Variants in AFF3 observed in about 807,000 individuals in gnomAD.
AFF3 encodes ALF transcription elongation factor 3, also known as AF4/FMR2 family member 3.
In AFF3, 32 loss-of-function variants were observed where a neutral mutation model predicts 129.7. That is an observed-to-expected ratio of 0.25 (90% CI 0.19 to 0.33). The LOEUF is 0.33. Among genes scored for constraint, AFF3 ranks in the 10% least tolerant of loss-of-function variants. AFF3 has a pLI of 1.00. For synonymous variants in AFF3, 644 were observed against 635.4 expected (o/e 1.01, Z -0.20); for missense variants, 1,373 against 1,592.0 (o/e 0.86, Z 2.34).
chr2:99,886,274 A>T (rs1693104806), intron 7 of AFF3, among the ~76,000 whole-genome samples: 1 of 152,148 alleles, frequency 6.6e-6, no homozygotes, highest in South Asian at 2.1e-4. Flanking sequence ...CACATATTTT[A>T]AAGTTGGTGG....
chr2:99,752,369 G>A, intron 8 of AFF3, 68 bp from the exon 9 acceptor site: 3 of 1,388,646 alleles, frequency 2.2e-6, no homozygotes, highest in Non-Finnish European at 2.0e-6. Context: ...GGTATGTAAA[G>A]CAGCTGTACA....
intron 4 of AFF3, among the ~76,000 whole-genome samples, chr2:100,064,650 A>C (rs967622281): frequency 1.3e-5 from 2 of 152,216 alleles, no homozygotes; most frequent in Admixed American, 6.5e-5. Context: ...AACCAAGTCT[A>C]TCTCTCACCA....
chr2:99,674,261 C>T (rs531335456), intron 11 of AFF3, among the ~76,000 whole-genome samples: 1 of 152,260 alleles, frequency 6.6e-6, no homozygotes, highest in Non-Finnish European at 1.5e-5. Context: ...TTTCCTTCAC[C>T]TCACAGACAC....
chr2:99,807,076 C>G (rs1414815764), intron 8 of AFF3, among the ~76,000 whole-genome samples: 1 of 152,214 alleles, frequency 6.6e-6, no homozygotes, highest in African/African-American at 2.4e-5. Flanking sequence ...TGTGGTGTTA[C>G]TGGCGCCACC....
At chr2:99,802,497 C>CA (rs1686017773) in intron 8 of AFF3, among the ~76,000 whole-genome samples, 1 of 151,946 alleles carries the variant, frequency 6.6e-6, no homozygotes, top group Non-Finnish European at 1.5e-5. Flanking sequence ...CCTGTCTCTA[C>CA]AAAAAATTTT....
At chr2:99,872,696 AT>A (rs1406321648) in intron 7 of AFF3, among the ~76,000 whole-genome samples, 2 of 152,088 alleles carry the variant, frequency 1.3e-5, no homozygotes, top group African/African-American at 4.8e-5. Context: ...CACATGAATA[AT>A]TTTTTAACAT....
At chr2:99,590,086 G>A (rs898520474) in intron 15 of AFF3, among the ~76,000 whole-genome samples, 1 of 152,184 alleles carries the variant, frequency 6.6e-6, no homozygotes. Flanking sequence ...TGTGGTGCCC[G>A]AGTTGTCAGG....
intron 14 of AFF3, among the ~76,000 whole-genome samples, chr2:99,600,211 G>C (rs1490600228): frequency 6.6e-6 from 1 of 152,214 alleles, no homozygotes; most frequent in African/African-American, 2.4e-5. Context: ...ATGGGAAGGA[G>C]AGCGTGGAGA....
intron 1 of AFF3, among the ~76,000 whole-genome samples, chr2:100,135,389 T>C (rs528189901): frequency 9.2e-5 from 14 of 152,294 alleles, no homozygotes; most frequent in African/African-American, 3.4e-4. Flanking sequence ...TAGGAGCAAC[T>C]CTTAACTGCT....
intron 4 of AFF3, among the ~76,000 whole-genome samples, chr2:100,063,385 A>G (rs1687464339): frequency 1.3e-5 from 2 of 152,186 alleles, no homozygotes; most frequent in Admixed American, 1.3e-4. Context: ...AATAGCGAAG[A>G]TGGTGAATTT....
intron 12 of AFF3, among the ~76,000 whole-genome samples, chr2:99,668,149 C>T (rs1338169190): frequency 6.6e-6 from 1 of 151,554 alleles, no homozygotes; most frequent in Non-Finnish European, 1.5e-5. Flanking sequence ...CACAGTGAGA[C>T]TCCATCTCCC....
chr2:100,076,172 C>T (rs1187836018), intron 4 of AFF3, among the ~76,000 whole-genome samples: 1 of 152,170 alleles, frequency 6.6e-6, no homozygotes, highest in East Asian at 1.9e-4. Context: ...AAAGATGTGA[C>T]TCAAGTGCCA....
chr2:99,704,806 T>C (rs1677200466), intron 11 of AFF3, among the ~76,000 whole-genome samples: 1 of 152,128 alleles, frequency 6.6e-6, no homozygotes, highest in Admixed American at 6.5e-5. Flanking sequence ...ACCAGGGGTG[T>C]ACCTTACAGG....
At chr2:99,597,652 G>A (rs2105030834) in intron 14 of AFF3, among the ~76,000 whole-genome samples, 1 of 152,346 alleles carries the variant, frequency 6.6e-6, no homozygotes. Context: ...CTGGAAATGA[G>A]GCAATTGTGG....
chr2:100,084,562 G>T (rs3910492), intron 4 of AFF3, among the ~76,000 whole-genome samples: 19,430 of 152,044 alleles, frequency 0.13, 1,605 homozygotes, highest in South Asian at 0.2. Flanking sequence ...GTTCGACAGT[G>T]AAATGAACAC....
At chr2:99,711,352 T>C (rs767058922) in intron 11 of AFF3, among the ~76,000 whole-genome samples, 4 of 152,176 alleles carry the variant, frequency 2.6e-5, no homozygotes, top group Non-Finnish European at 5.9e-5. Flanking sequence ...ATATGAGATG[T>C]AATAATGTAA....
At chr2:99,733,236 G>A (rs866896150) in intron 10 of AFF3, among the ~76,000 whole-genome samples, 3 of 151,840 alleles carry the variant, frequency 2.0e-5, no homozygotes, top group Non-Finnish European at 2.9e-5. Flanking sequence ...AAAATTAGCC[G>A]GGTGTGGTGG....
At chr2:100,081,491 CCTT>C (rs562622558) in intron 4 of AFF3, among the ~76,000 whole-genome samples, 171 of 152,158 alleles carry the variant, frequency 1.1e-3, no homozygotes, top group African/African-American at 4.0e-3. Context: ...CAACAGAAGA[CCTT>C]CTGTTGAGCC....
chr2:99,606,390 A>T (rs184500107), intron 13 of AFF3, among the ~76,000 whole-genome samples: 1 of 152,328 alleles, frequency 6.6e-6, no homozygotes, highest in Admixed American at 6.5e-5. Flanking sequence ...CCATCTCATG[A>T]ACACGGTGCC....
Sources: gnomAD v4.1 joint callset for allele counts (sites outside exome capture counted in the v4.1 genomes callset) on GRCh38, gnomAD v4.1.1 for gene constraint, MANE v1.5 for transcripts, NCBI Gene and HGNC (gene_info 2026-07-23, HGNC 2026-07-21) for gene names.